The following ASAH2 variants were observed in gnomAD, a reference collection of about 807,000 sequenced individuals.
ASAH2 encodes N-acylsphingosine amidohydrolase 2, also known as neutral ceramidase.
ASAH2 carries 58 observed loss-of-function variants against 82.9 expected under a neutral mutation model. The ratio of observed to expected loss-of-function variants is 0.70; its 90% CI spans 0.57 to 0.87. The LOEUF (loss-of-function observed/expected upper bound fraction) is 0.87. Ranked by LOEUF, ASAH2 falls within the 40% of genes least tolerant of loss-of-function variation. The pLI, the probability that ASAH2 is intolerant of heterozygous loss-of-function variation, is 0.00. For missense variants in ASAH2, 779 were observed against 834.0 expected (o/e 0.93, Z 0.81); for synonymous variants, 276 against 289.7 (o/e 0.95, Z 0.48).
chr10:50,251,264 A>G (rs762450638), intron 1 of ASAH2, among the ~76,000 whole-genome samples, 131 bp downstream of exon 1: 27 of 152,186 alleles, frequency 1.8e-4, no homozygotes, highest in Non-Finnish European at 2.9e-4. Context: ...AAAGGTAACA[A>G]TTTGGCAAAA....
intron 14 of ASAH2, among the ~76,000 whole-genome samples, chr10:50,204,349 G>A (rs1845237961): frequency 7.2e-5 from 11 of 151,938 alleles, no homozygotes; most frequent in Non-Finnish European, 1.5e-5. Context: ...GAAGGGAAGT[G>A]ACAGAAGGTG....
intron 7 of ASAH2, among the ~76,000 whole-genome samples, chr10:50,223,977 T>G (rs2133217140): frequency 6.6e-6 from 1 of 152,316 alleles, no homozygotes; most frequent in East Asian, 1.9e-4. Context: ...GCCTTGAATT[T>G]GGACTTCTGG....
At chr10:50,233,771 CTG>C (rs1460341378) in intron 6 of ASAH2, among the ~76,000 whole-genome samples, 1 of 152,042 alleles carries the variant, frequency 6.6e-6, no homozygotes, top group Non-Finnish European at 1.5e-5. Context: ...CAAGTGGAAA[CTG>C]TGGTATTATT....
At chr10:50,199,012 ACG>A (rs1845067027) in intron 17 of ASAH2, 37 bp downstream of exon 17, 9 of 1,573,850 alleles carry the variant, frequency 5.7e-6, no homozygotes, top group East Asian at 4.5e-5. Flanking sequence ...ACACACACAC[ACG>A]CACGCGCGCA....
rs1478205218 is a variant in ASAH2, at chr10:50,187,218, A to G, written c.*97T>C. On this transcript the variant is annotated 3_prime_UTR_variant, in exon 21 of 21. Transcript: ENST00000682911. Reference sequence around the variant, plus strand: ...GTCCCCAAACAGGGACGATTATAGAAGTCAACATGGTAGTTCACTAGTTCA... The same window carrying G: ...GTCCCCAAACAGGGACGATTATAGAGGTCAACATGGTAGTTCACTAGTTCA... 7.5e-6 allele frequency: 1 copy of G among 134,072 alleles called. No individual in the cohort carries two copies. The highest frequency in any genetic ancestry group is 1.9e-4 in the East Asian group (1 of 5,292). 8.3% of individuals were successfully genotyped at this position (134,072 alleles called of 1,614,324 possible).
intron 18 of ASAH2, among the ~76,000 whole-genome samples, chr10:50,194,537 C>G (rs1844924224): frequency 6.6e-6 from 1 of 150,996 alleles, no homozygotes; most frequent in African/African-American, 2.4e-5. Context: ...AAACTGAATA[C>G]TTTTCTACTA....
At chr10:50,224,950 C>G (rs952918260) in intron 7 of ASAH2, among the ~76,000 whole-genome samples, 4 of 152,112 alleles carry the variant, frequency 2.6e-5, no homozygotes, top group African/African-American at 9.7e-5. Context: ...ATAATGAGCT[C>G]TAGCCAGAAG....
intron 20 of ASAH2, among the ~76,000 whole-genome samples, chr10:50,188,886 T>C (rs1163477155): frequency 7.7e-6 from 1 of 129,812 alleles, no homozygotes; most frequent in Non-Finnish European, 1.6e-5. Context: ...GGAACAGAAG[T>C]ATTGTCTTAT....
rs1178412326 is a variant in ASAH2 at position 50,203,032 on chromosome 10, T to C, written c.1666-108A>G. The C allele has an allele frequency of 3.7e-6, 3 of 818,382 alleles. No homozygotes were observed. In the African/African-American group the frequency reaches 5.2e-5, roughly 14 times the overall value. 50.7% of individuals were successfully genotyped at this position (818,382 alleles called of 1,614,324 possible). ...TTGATTACACTATTAGTTTAAGATA[T>C]TTTTCTTAATAAAATTTTTCTAACT... is the stretch of plus-strand genomic sequence containing the variant. On this transcript the variant is annotated intron_variant, in intron 15 of 20. Coordinates refer to ENST00000682911, the MANE Select transcript of ASAH2 (RefSeq NM_019893.4).
intron 1 of ASAH2, among the ~76,000 whole-genome samples, chr10:50,249,749 C>T (rs551453864): frequency 2.6e-5 from 4 of 152,234 alleles, no homozygotes; most frequent in Admixed American, 1.3e-4. Context: ...AGAGTCTGTG[C>T]TCTTCCCTGT....
chr10:50,234,548 A>G lies in ASAH2; in HGVS notation c.692T>C (p.Ile231Thr), dbSNP rs769712330. The change falls in exon 6 of 21, where the codon ATT becomes ACT. Residue 231 changes from isoleucine (I) to threonine (T), a missense_variant. Coordinates refer to ENST00000682911, the MANE Select transcript of ASAH2 (RefSeq NM_019893.4). ...TTTCATATTTGTGTGTGCTATGTCA[A>G]TGCTCTGAAGGTTAAAAAAGAGGGG... ...QHMVTGILKS[I>T]DIAHTNMKPG... 2.5e-6 allele frequency: 4 copies of G among 1,612,796 alleles called. No homozygotes were observed. Among genetic ancestry groups the G allele is most frequent in the Admixed American group, 1.7e-5 (1 of 59,938 alleles).
Position 50,187,402 on chromosome 10 carries a change from T to C in ASAH2, c.2256A>G (p.Gly752=). ...TCAGAATGTCCTGCTTCCGATTGTG[T>C]CCAAAATATCTTATTCTGTAGATTC... ...QPGIYRIRYF[G]HNRKQDILKP... Residue 752 remains glycine, a synonymous_variant, in exon 21 of 21, where the codon GGA becomes GGG. Coordinates refer to ENST00000682911, the MANE Select transcript of ASAH2 (RefSeq NM_019893.4). The C allele has an allele frequency of 2.7e-6, 1 of 371,714 alleles. No homozygotes were observed. Among genetic ancestry groups the C allele is most frequent in the Non-Finnish European group, 4.6e-6 (1 of 215,740 alleles). The allele number at this position is 371,714 out of a possible 1,614,324, so 23.0% of individuals were successfully genotyped here.
chr10:50,248,350 G>C, intron 2 of ASAH2, 134 bp downstream of exon 2: 2 of 1,097,548 alleles, frequency 1.8e-6, no homozygotes, highest in Middle Eastern at 2.3e-4. Context: ...AATGCAAAGG[G>C]AGACGGCTAT....
chr10:50,185,348 G>A lies in ASAH2; in HGVS notation c.*1967C>T, dbSNP rs1334554433. 18 of 137,312 alleles carry A rather than the reference G, an allele frequency of 1.3e-4. No homozygotes were observed. The highest frequency in any genetic ancestry group is 4.2e-4 in the African/African-American group (15 of 35,674). 8.5% of individuals were successfully genotyped at this position (137,312 alleles called of 1,614,324 possible). A position where few individuals can be genotyped will look rare whatever the true frequency, so the allele number is the denominator to read the frequency against. ...AGAAATGACAGCTGGTGAGAAAATA[G>A]GTTTCTGTGCGTTATCTGGAGCCAA... On this transcript the variant is annotated 3_prime_UTR_variant, in exon 21 of 21. Coordinates refer to ENST00000682911, the MANE Select transcript of ASAH2 (RefSeq NM_019893.4).
At chr10:50,212,908 C>A in intron 10 of ASAH2, 64 bp downstream of exon 10, 1 of 1,458,992 alleles carries the variant, frequency 6.9e-7, no homozygotes, top group Non-Finnish European at 9.6e-7. Context: ...CCTAATGAAC[C>A]AAGTCAATGG....
At position 50,240,555 on chromosome 10, in the gene ASAH2, A is replaced by ATCT. The variant is rs1255040598; in HGVS notation, c.510+2646_510+2647insAGA. On this transcript the variant is annotated intron_variant, in intron 4 of 20. Transcript: ENST00000682911. ...AGATTTCTCAGAGTCCATATCACCC[A>ATCT]CAGAATTAAAAACAAGCTGGCATCT... 22 of 702,154 alleles carry ATCT rather than the reference A, an allele frequency of 3.1e-5. No individual in the cohort carries two copies. In the East Asian group the frequency reaches 5.9e-4, roughly 19 times the overall value. 43.5% of individuals were successfully genotyped at this position (702,154 alleles called of 1,614,324 possible). A position where few individuals can be genotyped will look rare whatever the true frequency, so the allele number is the denominator to read the frequency against.
intron 8 of ASAH2, among the ~76,000 whole-genome samples, chr10:50,218,007 T>C (rs1210735573): frequency 6.6e-6 from 1 of 152,052 alleles, no homozygotes; most frequent in Non-Finnish European, 1.5e-5. Flanking sequence ...CACCTGTAAT[T>C]TCAGCTACTC....
rs1845430655 is a variant in ASAH2, at chr10:50,210,732, A to G, written c.1414+91T>C. 5.2e-6 allele frequency: 6 copies of G among 1,147,850 alleles called. No individual in the cohort carries two copies. In the South Asian group the frequency reaches 7.4e-5, roughly 14 times the overall value. The allele number at this position is 1,147,850 out of a possible 1,614,324, so 71.1% of individuals were successfully genotyped here. A position where few individuals can be genotyped will look rare whatever the true frequency, so the allele number is the denominator to read the frequency against. ...GCAGACCCTGAGTTTAAAAATTAAT[A>G]AATGTATTGGCTACAATGAAACCTG... is the stretch of plus-strand genomic sequence containing the variant. On this transcript the variant is annotated intron_variant, in intron 12 of 20. Transcript: ENST00000682911.
rs1370881909 is a variant in ASAH2 at position 50,187,118 on chromosome 10, T to TCTCACATACACACACA, written c.*196_*197insTGTGTGTGTATGTGAG. ...CTCTCTCTCTCTCTCTCTCTCTCTC[T>TCTCACATACACACACA]CACACACACACACACACACACACAC... On this transcript the variant is annotated 3_prime_UTR_variant, in exon 21 of 21. Transcript: ENST00000682911. The TCTCACATACACACACA allele has an allele frequency of 7.1e-6, 1 of 140,976 alleles. No individual in the cohort carries two copies. Among genetic ancestry groups the TCTCACATACACACACA allele is most frequent in the African/African-American group, 5.5e-5 (1 of 18,050 alleles). The allele number at this position is 140,976 out of a possible 1,614,324, so 8.7% of individuals were successfully genotyped here. A position where few individuals can be genotyped will look rare whatever the true frequency, so the allele number is the denominator to read the frequency against.
Sources: allele counts gnomAD v4.1 joint callset (sites outside exome capture counted in the v4.1 genomes callset), GRCh38; gene constraint gnomAD v4.1.1; transcripts MANE v1.5; gene names NCBI Gene and HGNC (gene_info 2026-07-23, HGNC 2026-07-21).